CLNK: variants seen among roughly 807,000 people sequenced by gnomAD.
The protein encoded by CLNK is cytokine-dependent hematopoietic cell linker.
Under a neutral mutation model 68.6 loss-of-function variants are expected in CLNK, and 74 were observed. The observed-to-expected ratio is 1.08, with a 90% CI of 0.89 to 1.31. The LOEUF (loss-of-function observed/expected upper bound fraction) is 1.31, where lower values mean the gene tolerates loss of function less well. CLNK is among the 50% of genes most tolerant of loss of function. CLNK has a pLI of 0.00. For synonymous variants in CLNK, 198 were observed against 172.2 expected (o/e 1.15, Z -1.17); for missense variants, 553 against 515.3 (o/e 1.07, Z -0.71).
At chr4:10,629,086 A>T (rs1244349776) in intron 2 of CLNK, among the ~76,000 whole-genome samples, 1 of 152,090 alleles carries the variant, frequency 6.6e-6, no homozygotes, top group East Asian at 1.9e-4. Flanking sequence ...GACCTGTATG[A>T]CCAGCTCCCA....
intron 2 of CLNK, among the ~76,000 whole-genome samples, chr4:10,635,516 C>CCAT (rs1723048998): frequency 6.6e-6 from 1 of 152,104 alleles, no homozygotes; most frequent in Admixed American, 6.5e-5. Context: ...ATACTCTCCA[C>CCAT]CATCTGTGCT....
the CLNK span, among the ~76,000 whole-genome samples, chr4:10,696,840 T>C: frequency 1.3e-4 from 20 of 152,180 alleles, no homozygotes; most frequent in African/African-American, 3.6e-4. Flanking sequence ...CCCTCTAAGA[T>C]TGAGTTTACA....
chr4:10,609,118 C>T (rs550568999), intron 2 of CLNK, among the ~76,000 whole-genome samples: 5 of 152,212 alleles, frequency 3.3e-5, no homozygotes, highest in Admixed American at 6.5e-5. Flanking sequence ...GTGCTGCCCT[C>T]GTGAAGCTGA....
In CLNK at chr4:10,573,597, A is replaced by G. The variant is rs185069005; in HGVS notation, c.113-1819T>C. ...AAGACCAGCTGGCCCGGAAGGAGCA[A>G]ATGAGCTCAGAATTATTGGGGATCT... On this transcript the variant is annotated intron_variant, in intron 4 of 18. Coordinates refer to ENST00000226951, the MANE Select transcript of CLNK (RefSeq NM_052964.4). 3.3e-5 allele frequency among the ~76,000 whole-genome samples: 5 copies of G among 152,304 alleles called. No homozygotes were observed. The East Asian group carries it at 9.6e-4, about 29-fold the overall frequency.
intron 8 of CLNK, among the ~76,000 whole-genome samples, chr4:10,556,363 A>T (rs1719672459): frequency 6.6e-6 from 1 of 152,210 alleles, no homozygotes; most frequent in African/African-American, 2.4e-5. Flanking sequence ...TCTTTATTTT[A>T]ATTATGTCAT....
intron 2 of CLNK, among the ~76,000 whole-genome samples, chr4:10,616,588 T>G (rs1214183238): frequency 6.6e-6 from 1 of 152,132 alleles, no homozygotes; most frequent in South Asian, 2.1e-4. Flanking sequence ...TATACTAATT[T>G]GTCAGTTGCA....
intron 17 of CLNK, among the ~76,000 whole-genome samples, chr4:10,505,709 T>G (rs573571702): frequency 1.3e-5 from 2 of 152,284 alleles, no homozygotes; most frequent in South Asian, 4.1e-4. Context: ...CCTGGTTCCC[T>G]CTTACAAGGA....
chr4:10,711,239 G>C, the CLNK span, among the ~76,000 whole-genome samples: 1 of 152,160 alleles, frequency 6.6e-6, no homozygotes, highest in Non-Finnish European at 1.5e-5. Context: ...ATGGGAATTA[G>C]GAACAGGGAG....
chr4:10,719,240 A>G, the CLNK span, among the ~76,000 whole-genome samples: 1 of 152,166 alleles, frequency 6.6e-6, no homozygotes, highest in African/African-American at 2.4e-5. Flanking sequence ...TACACTAATT[A>G]AAAGACAGAT....
chr4:10,686,580 G>C (rs1451762592), upstream of CLNK, among the ~76,000 whole-genome samples: 1 of 150,878 alleles, frequency 6.6e-6, no homozygotes, highest in Non-Finnish European at 1.5e-5. Flanking sequence ...AGGGCAGTGG[G>C]AGAGGGGAAA....
At chr4:10,581,011 A>G (rs1259313990) in intron 4 of CLNK, among the ~76,000 whole-genome samples, 1 of 152,196 alleles carries the variant, frequency 6.6e-6, no homozygotes, top group Non-Finnish European at 1.5e-5. Flanking sequence ...TGTCCTACAC[A>G]GGTGTACCCC....
intron 2 of CLNK, among the ~76,000 whole-genome samples, chr4:10,654,913 T>G (rs1723904143): frequency 6.6e-6 from 1 of 151,938 alleles, no homozygotes; most frequent in African/African-American, 2.4e-5. Flanking sequence ...TCATCCTGGC[T>G]AACACAGGTG....
chr4:10,498,486 C>A (rs564969461), intron 18 of CLNK, among the ~76,000 whole-genome samples: 1 of 151,966 alleles, frequency 6.6e-6, no homozygotes, highest in East Asian at 1.9e-4. Context: ...AGCAAGACTC[C>A]GTCTCAAAAT....
chr4:10,554,057 A>G (rs1719568613), intron 8 of CLNK, among the ~76,000 whole-genome samples: 1 of 152,130 alleles, frequency 6.6e-6, no homozygotes, highest in Non-Finnish European at 1.5e-5. Context: ...AAAACTTAAC[A>G]AAATAACTCT....
intron 11 of CLNK, among the ~76,000 whole-genome samples, chr4:10,538,372 G>A (rs533430393): frequency 8.4e-4 from 128 of 152,184 alleles, no homozygotes; most frequent in Non-Finnish European, 1.5e-3. Flanking sequence ...CATGTGAGCC[G>A]CCTGCCTCGG....
intron 3 of CLNK, among the ~76,000 whole-genome samples, chr4:10,588,463 G>A (rs1361317736): frequency 6.6e-6 from 1 of 152,186 alleles, no homozygotes; most frequent in African/African-American, 2.4e-5. Flanking sequence ...GACACTTGGA[G>A]GCAGAACTGA....
chr4:10,581,655 A>AT (rs11287712), intron 4 of CLNK, among the ~76,000 whole-genome samples: 155 of 149,204 alleles, frequency 1.0e-3, no homozygotes, highest in East Asian at 5.3e-3. Context: ...AGGACCTTTA[A>AT]TTTTTTTTTT....
At chr4:10,595,283 C>A (rs576342764) in intron 3 of CLNK, among the ~76,000 whole-genome samples, 1 of 152,134 alleles carries the variant, frequency 6.6e-6, no homozygotes, top group Non-Finnish European at 1.5e-5. Flanking sequence ...ATGGTGAAGA[C>A]CGAATGCCAA....
At chr4:10,614,950 C>G (rs1722170346) in intron 2 of CLNK, among the ~76,000 whole-genome samples, 1 of 152,024 alleles carries the variant, frequency 6.6e-6, no homozygotes, top group Non-Finnish European at 1.5e-5. Context: ...TTTGGGAGGT[C>G]TAAGAAGGGA....
Sources: allele counts gnomAD v4.1 joint callset (sites outside exome capture counted in the v4.1 genomes callset), GRCh38; gene constraint gnomAD v4.1.1; transcripts MANE v1.5; gene names NCBI Gene and HGNC (gene_info 2026-07-23, HGNC 2026-07-21).